SHARPIN: variants seen among roughly 807,000 people sequenced by gnomAD.
SHARPIN encodes hSIPL1.
In SHARPIN, 25 loss-of-function variants were observed where a neutral mutation model predicts 40.3. The observed-to-expected ratio is 0.62, with a 90% CI of 0.45 to 0.87. SHARPIN has a LOEUF of 0.87. Ranked by LOEUF, SHARPIN falls within the 40% of genes least tolerant of loss-of-function variation. SHARPIN has a pLI of 0.00. For synonymous variants in SHARPIN, 274 were observed against 221.8 expected (o/e 1.24, Z -2.09); for missense variants, 551 against 516.1 (o/e 1.07, Z -0.66).
chr8:144,098,706 A>G lies in SHARPIN; in HGVS notation c.*95T>C. ...CCCAACCCTGGTGACTGTCCCAGCA[A>G]GCAGTCAGTAGAGGTCCCCGGAGTT... On this transcript the variant is annotated 3_prime_UTR_variant, in exon 9 of 9. Coordinates refer to ENST00000398712, the MANE Select transcript of SHARPIN (RefSeq NM_030974.4). 3.8e-6 allele frequency: 2 copies of G among 522,960 alleles called. No homozygotes were observed. Among genetic ancestry groups the G allele is most frequent in the South Asian group, 2.7e-5 (1 of 37,622 alleles). The allele number at this position is 522,960 out of a possible 1,614,324, so 32.4% of individuals were successfully genotyped here.
At chr8:144,100,573 T>C (rs1452218027) in intron 2 of SHARPIN, among the ~76,000 whole-genome samples, 2 of 152,296 alleles carry the variant, frequency 1.3e-5, no homozygotes, top group African/African-American at 2.4e-5. Flanking sequence ...CCCACTGCAA[T>C]GGGGGGGTCC....
Position 144,099,474 on chromosome 8 carries a change from C to A in SHARPIN, c.768+36G>T, listed in dbSNP as rs371475032. ...GGCAGGTGATGTCACCTAGGCTCCT[C>A]TGCCCCTGGCAGGGCTCCCCAGACC... On this transcript the variant is annotated intron_variant, in intron 5 of 8. Transcript: ENST00000398712. The A allele has an allele frequency of 2.5e-6, 4 of 1,608,964 alleles. No individual in the cohort carries two copies. The African/African-American group carries it at 4.0e-5, about 16-fold the overall frequency.
At chr8:144,103,411 C>T (rs1366955307) in intron 1 of SHARPIN, 142 bp downstream of exon 1, 1 of 1,086,098 alleles carries the variant, frequency 9.2e-7, no homozygotes, top group African/African-American at 1.6e-5. Context: ...GAGCGTCACC[C>T]CCATTTCACG....
rs1345714489 is a variant in SHARPIN, at chr8:144,103,710, A to AAGTCCG, written c.38_43dup (p.Ser13_Asp14dup). ...AGCCAAGAGCACTGCGGCGGAGCCCAAGTCCGAGGCCGCCGCCGCCGCCCC... is the reference window on the plus strand; with the variant it reads ...AGCCAAGAGCACTGCGGCGGAGCCCAAGTCCGAGTCCGAGGCCGCCGCCGCCGCCCC... On this transcript the variant is annotated inframe_insertion, in exon 1 of 9. Transcript: ENST00000398712. 1 of 1,437,516 alleles carries AAGTCCG rather than the reference A, an allele frequency of 7.0e-7. No individual in the cohort carries two copies. Among genetic ancestry groups the AAGTCCG allele is most frequent in the Non-Finnish European group, 9.1e-7 (1 of 1,100,932 alleles). 89.0% of individuals were successfully genotyped at this position (1,437,516 alleles called of 1,614,324 possible). A position where few individuals can be genotyped will look rare whatever the true frequency, so the allele number is the denominator to read the frequency against.
rs781778009 is a variant in SHARPIN, at chr8:144,103,076, T to C, written c.351A>G (p.Arg117=). The part of the protein sequence containing the change: ...QEAQRWAVLV[R]GATVEGQNGS... ...CATTCTGTCCTTCCACGGTGGCACC[T>C]CGGACTAGGACTGCCCACCGCTGAG... Residue 117 remains arginine, a synonymous_variant, in exon 2 of 9, where the codon CGA becomes CGG. Transcript: ENST00000398712. The C allele has an allele frequency of 2.5e-6, 4 of 1,612,620 alleles. No homozygotes were observed. The East Asian group carries it at 8.9e-5, about 36-fold the overall frequency.
Position 144,100,153 on chromosome 8 carries a change from C to A in SHARPIN, c.377-84G>T, listed in dbSNP as rs1034569980. Reference sequence around the variant, plus strand: ...GGTTTTCCAGGACCTTTGCCTTCTCCCTCACCTCAGTCCATGCCAGGGCCC... The same window carrying A: ...GGTTTTCCAGGACCTTTGCCTTCTCACTCACCTCAGTCCATGCCAGGGCCC... On this transcript the variant is annotated intron_variant, in intron 2 of 8. Coordinates refer to ENST00000398712, the MANE Select transcript of SHARPIN (RefSeq NM_030974.4). 11 of 1,488,944 alleles carry A rather than the reference C, an allele frequency of 7.4e-6. No homozygotes were observed. In the African/African-American group the frequency reaches 1.3e-4, roughly 17 times the overall value. 92.2% of individuals were successfully genotyped at this position (1,488,944 alleles called of 1,614,324 possible). A position where few individuals can be genotyped will look rare whatever the true frequency, so the allele number is the denominator to read the frequency against.
chr8:144,103,718 G>A lies in SHARPIN; in HGVS notation c.36C>T (p.Ala12=). The A allele has an allele frequency of 7.1e-7, 1 of 1,406,856 alleles. No homozygotes were observed. Among genetic ancestry groups the A allele is most frequent in the East Asian group, 3.1e-5 (1 of 32,516 alleles). 87.1% of individuals were successfully genotyped at this position (1,406,856 alleles called of 1,614,324 possible). A position where few individuals can be genotyped will look rare whatever the true frequency, so the allele number is the denominator to read the frequency against. The change falls in exon 1 of 9, where the codon GCC becomes GCT. Residue 12 remains alanine (A), a synonymous_variant. Transcript: ENST00000398712. ...GCACTGCGGCGGAGCCCAAGTCCGA[G>A]GCCGCCGCCGCCGCCCCGCCCGCTG... ...APPAGGAAAA[A]SDLGSAAVLL...
intron 2 of SHARPIN, 21 bp downstream of exon 2, chr8:144,103,030 T>C (rs1165477523): frequency 2.5e-6 from 4 of 1,612,188 alleles, no homozygotes; most frequent in Non-Finnish European, 3.4e-6. Context: ...ATTGTAATTG[T>C]ATCCATTACA....
chr8:144,102,913 A>G, intron 2 of SHARPIN, 138 bp downstream of exon 2: 1 of 1,034,838 alleles, frequency 9.7e-7, no homozygotes, highest in Non-Finnish European at 1.5e-6. Flanking sequence ...ACTCCAAGCT[A>G]CTCCAGGCTC....
chr8:144,098,712 C>T lies in SHARPIN; in HGVS notation c.*89G>A. On this transcript the variant is annotated 3_prime_UTR_variant, in exon 9 of 9. Coordinates refer to ENST00000398712, the MANE Select transcript of SHARPIN (RefSeq NM_030974.4). ...CCTGGTGACTGTCCCAGCAAGCAGT[C>T]AGTAGAGGTCCCCGGAGTTCAGTGG... 1.8e-6 allele frequency: 1 copy of T among 544,910 alleles called. No individual in the cohort carries two copies. Among genetic ancestry groups the T allele is most frequent in the Non-Finnish European group, 3.2e-6 (1 of 313,588 alleles). 33.8% of individuals were successfully genotyped at this position (544,910 alleles called of 1,614,324 possible). A position where few individuals can be genotyped will look rare whatever the true frequency, so the allele number is the denominator to read the frequency against.
chr8:144,100,018 G>A lies in SHARPIN; in HGVS notation c.428C>T (p.Ser143Phe). The A allele has an allele frequency of 1.2e-6, 2 of 1,601,814 alleles. No individual in the cohort carries two copies. Among genetic ancestry groups the A allele is most frequent in the Admixed American group, 1.7e-5 (1 of 58,512 alleles). The change falls in exon 3 of 9, where the codon TCC becomes TTC. Residue 143 changes from serine (S) to phenylalanine (F), a missense_variant. Ser to Phe is a radical substitution (Grantham distance 155). Coordinates refer to ENST00000398712, the MANE Select transcript of SHARPIN (RefSeq NM_030974.4). ...GGAGGCTTCCGGGGGACTGGGCAGG[G>A]AGACAGGGCATGCTTCTGGGCCCAA... ...PALGPEACPVSLPSPPEASTL... is the reference protein window; with the variant it reads ...PALGPEACPVFLPSPPEASTL...
Position 144,103,691 on chromosome 8 carries a change from G to A in SHARPIN, c.63C>T (p.Leu21=), listed in dbSNP as rs772832418. 1.2e-5 allele frequency: 18 copies of A among 1,492,460 alleles called. No individual in the cohort carries two copies. The highest frequency in any genetic ancestry group is 1.5e-5 in the Non-Finnish European group (17 of 1,128,546). 92.5% of individuals were successfully genotyped at this position (1,492,460 alleles called of 1,614,324 possible). A position where few individuals can be genotyped will look rare whatever the true frequency, so the allele number is the denominator to read the frequency against. ...AASDLGSAAV[L]LAVHAAVRPL... ...GCCTCACCGCGGCGTGCACAGCCAA[G>A]AGCACTGCGGCGGAGCCCAAGTCCG... Residue 21 remains leucine (L), a synonymous_variant, in exon 1 of 9, where the codon CTC becomes CTT. Coordinates refer to ENST00000398712, the MANE Select transcript of SHARPIN (RefSeq NM_030974.4).
intron 2 of SHARPIN, chr8:144,102,831 G>A (rs1486546872): frequency 3.1e-6 from 2 of 645,520 alleles, no homozygotes; most frequent in Non-Finnish European, 5.5e-6. Flanking sequence ...GGGCTTCCTG[G>A]TGGAGGCTGC....
intron 2 of SHARPIN, 120 bp from the exon 3 acceptor site, chr8:144,100,189 C>T: frequency 7.8e-7 from 1 of 1,281,468 alleles, no homozygotes; most frequent in Non-Finnish European, 1.1e-6. Flanking sequence ...TGCCTCAGGC[C>T]ACACTTCTAG....
Position 144,098,693 on chromosome 8 carries a change from G to T in SHARPIN, c.*108C>A. On this transcript the variant is annotated 3_prime_UTR_variant, in exon 9 of 9. Coordinates refer to ENST00000398712, the MANE Select transcript of SHARPIN (RefSeq NM_030974.4). ...TGTGGCCCTTCCCCCCAACCCTGGT[G>T]ACTGTCCCAGCAAGCAGTCAGTAGA... The T allele has an allele frequency of 2.0e-6, 1 of 508,804 alleles. No individual in the cohort carries two copies. The allele number at this position is 508,804 out of a possible 1,614,324, so 31.5% of individuals were successfully genotyped here.
At chr8:144,099,231 G>A (rs1384063910) in intron 6 of SHARPIN, 26 bp from the exon 7 acceptor site, 1 of 1,612,302 alleles carries the variant, frequency 6.2e-7, no homozygotes, top group African/African-American at 1.3e-5. Context: ...TCAGGACTGT[G>A]GGGCTGCACC....
Position 144,098,898 on chromosome 8 carries a change from G to T in SHARPIN, c.1144C>A (p.Leu382Ile). 2 of 1,590,572 alleles carry T rather than the reference G, an allele frequency of 1.3e-6. No homozygotes were observed. The highest frequency in any genetic ancestry group is 2.3e-5 in the South Asian group (2 of 87,892). ...GGCTGCTAGGTGGAAGCTGCAGCAA[G>T]GGGGTCCCAAGTGCAGGGCCTCTGG... Reference protein sequence around the residue: ...STQRPCTWDPLAAAST With the variant: ...STQRPCTWDPIAAAST Residue 382 changes from leucine to isoleucine, a missense_variant, in exon 8 of 9, where the codon CTT (leucine) becomes ATT (isoleucine). Physicochemically the swap from Leu to Ile is conservative, Grantham distance 5 (BLOSUM62 2). Coordinates refer to ENST00000398712, the MANE Select transcript of SHARPIN (RefSeq NM_030974.4).
In SHARPIN at chr8:144,099,724, C is replaced by G; in HGVS notation, c.638G>C (p.Cys213Ser). 6.2e-7 allele frequency: 1 copy of G among 1,613,470 alleles called. No homozygotes were observed. The highest frequency in any genetic ancestry group is 1.3e-5 in the African/African-American group (1 of 75,042). ...TCACCTGATGGGGCCAGGTGGGAAG[C>G]AGGCCTCCTGAAGCTGAACACTCAG... ...VALSVQLQEA[C>S]FPPGPIRLQV... Residue 213 changes from cysteine to serine, a missense_variant, in exon 4 of 9, where the codon TGC becomes TCC. Coordinates refer to ENST00000398712, the MANE Select transcript of SHARPIN (RefSeq NM_030974.4).
At chr8:144,103,499 C>A in intron 1 of SHARPIN, 54 bp downstream of exon 1, 1 of 1,511,470 alleles carries the variant, frequency 6.6e-7, no homozygotes, top group Non-Finnish European at 8.9e-7. Context: ...ACTTTGGGCT[C>A]CGTGCCCTGC....
Sources: allele counts gnomAD v4.1 joint callset (sites outside exome capture counted in the v4.1 genomes callset), GRCh38; gene constraint gnomAD v4.1.1; transcripts MANE v1.5; gene names NCBI Gene and HGNC (gene_info 2026-07-23, HGNC 2026-07-21).